ERICH1: variants seen among roughly 807,000 people sequenced by gnomAD.
ERICH1 encodes the protein glutamate rich 1.
ERICH1 carries 56 observed loss-of-function variants against 39.6 expected under a neutral mutation model. The ratio of observed to expected loss-of-function variants is 1.41; its 90% CI spans 1.14 to 1.77. The LOEUF (loss-of-function observed/expected upper bound fraction) is 1.77. ERICH1 is among the 40% of genes most tolerant of loss of function. The pLI, the probability that ERICH1 is intolerant of heterozygous loss-of-function variation, is 0.00. For synonymous variants in ERICH1, 313 were observed against 223.6 expected, an observed-to-expected ratio of 1.40 and a Z score of -3.57; for missense variants, 826 against 575.4, an observed-to-expected ratio of 1.44 and a Z score of -4.45.
chr8:641,625 G>A (rs186367397), intron 3 of ERICH1, among the ~76,000 whole-genome samples: 186 of 152,366 alleles, frequency 1.2e-3, no homozygotes, highest in Admixed American at 3.6e-3. Context: ...TGTACTGGGA[G>A]GAGGTAGTGT....
intron 1 of ERICH1, 26 bp from the exon 2 acceptor site, chr8:716,033 A>G (rs772660992): frequency 8.3e-6 from 13 of 1,570,754 alleles, no homozygotes; most frequent in South Asian, 1.2e-5. Flanking sequence ...ATTAAAAGAA[A>G]AGGAGGAAAA....
rs1246606069 is a variant in ERICH1 at position 664,374 on chromosome 8, T to C, written c.*229A>G. The C allele has an allele frequency of 1.5e-5, 17 of 1,172,310 alleles. No homozygotes were observed. Among genetic ancestry groups the C allele is most frequent in the Non-Finnish European group, 1.5e-5 (14 of 949,646 alleles). The allele number at this position is 1,172,310 out of a possible 1,614,324, so 72.6% of individuals were successfully genotyped here. On this transcript the variant is annotated 3_prime_UTR_variant, in exon 6 of 6. Coordinates refer to ENST00000262109, the MANE Select transcript of ERICH1 (RefSeq NM_207332.3). ...TAGAGAAACAGAATCAAGTTTTATG[T>C]AGTAATTCAAGATATATATAATTGC...
At chr8:719,128 C>T (rs1039690046) in intron 1 of ERICH1, among the ~76,000 whole-genome samples, 8 of 152,120 alleles carry the variant, frequency 5.3e-5, no homozygotes, top group African/African-American at 7.2e-5. Flanking sequence ...GCCCGACCCT[C>T]GGGGCTTTGC....
chr8:664,182 A>C, downstream of ERICH1: 1 of 947,866 alleles, frequency 1.1e-6, no homozygotes, highest in Non-Finnish European at 1.3e-6. Flanking sequence ...GAGAAAAAAA[A>C]CTCAACTATA....
chr8:696,297 C>T (rs1281851701), intron 2 of ERICH1, among the ~76,000 whole-genome samples: 3 of 74,432 alleles, frequency 4.0e-5, no homozygotes, highest in Admixed American at 1.1e-4. Context: ...CCCTTCACTC[C>T]TCTCCTTCCT....
At chr8:682,097 C>A (rs1475205610) in intron 3 of ERICH1, among the ~76,000 whole-genome samples, 1 of 149,490 alleles carries the variant, frequency 6.7e-6, no homozygotes, top group African/African-American at 2.5e-5. Flanking sequence ...TGAGCCCAGT[C>A]TCTCTGCCCC....
chr8:625,897 G>C (rs536969414), intron 3 of ERICH1: 29 of 152,356 alleles, frequency 1.9e-4, no homozygotes, highest in Non-Finnish European at 2.5e-4. Context: ...GTTTGTGGCA[G>C]AAATCCCATT....
intron 3 of ERICH1, chr8:640,487 C>T (rs771135811): frequency 2.0e-5 from 3 of 152,202 alleles, no homozygotes; most frequent in East Asian, 1.9e-4. Context: ...CAGCTAAGAC[C>T]GCTGCTTTCC....
At chr8:616,659 G>A (rs1389550279) in intron 3 of ERICH1, 14 of 453,036 alleles carry the variant, frequency 3.1e-5, no homozygotes, top group East Asian at 1.4e-4. Flanking sequence ...AGACGGGGGC[G>A]CGGGGGACAG....
At chr8:624,021 C>A (rs1401248929) in intron 3 of ERICH1, among the ~76,000 whole-genome samples, 1 of 151,850 alleles carries the variant, frequency 6.6e-6, no homozygotes, top group Non-Finnish European at 1.5e-5. Context: ...GGACTAATAT[C>A]CAAAATAAAT....
chr8:616,570 A>C (rs753893414), intron 3 of ERICH1: 8 of 455,922 alleles, frequency 1.8e-5, no homozygotes, highest in South Asian at 1.2e-4. Context: ...TGAAAAACAG[A>C]TCAAGTCAGG....
At chr8:616,331 G>C (rs1400469895) in intron 3 of ERICH1, 3 of 340,206 alleles carry the variant, frequency 8.8e-6, no homozygotes, top group Non-Finnish European at 1.8e-5. Context: ...CGCGTTAACT[G>C]AAAGTTGCTG....
At chr8:721,502 C>T (rs766490106) in intron 1 of ERICH1, among the ~76,000 whole-genome samples, 28 of 152,366 alleles carry the variant, frequency 1.8e-4, no homozygotes, top group Admixed American at 3.3e-4. Context: ...CCCCACACAC[C>T]TGGCCCAGGC....
rs750107900 is a variant in ERICH1, at chr8:668,694, T to C, written c.1162A>G (p.Ile388Val). ...SHSMLPSDVS[I>V]LYHMKTLLLL... Reference sequence around the variant, plus strand: ...AGCAGCGTTTTCATGTGGTACAGGATGGACACGTCTGAGGGCAGCATGCTG... The same window carrying C: ...AGCAGCGTTTTCATGTGGTACAGGACGGACACGTCTGAGGGCAGCATGCTG... The change falls in exon 5 of 6, where the codon ATC becomes GTC. Residue 388 changes from isoleucine to valine, a missense_variant. Coordinates refer to ENST00000262109, the MANE Select transcript of ERICH1 (RefSeq NM_207332.3). 1.2e-6 allele frequency: 2 copies of C among 1,614,124 alleles called. No homozygotes were observed. Among genetic ancestry groups the C allele is most frequent in the Non-Finnish European group, 8.5e-7 (1 of 1,180,038 alleles).
At chr8:675,375 C>CG (rs372207386) in intron 3 of ERICH1, among the ~76,000 whole-genome samples, 1 of 2,500 alleles carries the variant, frequency 4.0e-4, no homozygotes, top group Non-Finnish European at 8.7e-4. Context: ...GGCGGCCCCT[C>CG]GTGAGGACAG....
chr8:687,251 C>A (rs902461475), intron 3 of ERICH1, among the ~76,000 whole-genome samples: 1 of 152,190 alleles, frequency 6.6e-6, no homozygotes, highest in Non-Finnish European at 1.5e-5. Context: ...GAATCTGAGT[C>A]AATGCCTCAC....
At chr8:696,280 CCT>C (rs1343113643) in intron 2 of ERICH1, among the ~76,000 whole-genome samples, 16 of 81,778 alleles carry the variant, frequency 2.0e-4, no homozygotes, top group African/African-American at 6.6e-4. Context: ...TGCGCTCGCT[CCT>C]CTCACCCTTC....
intron 3 of ERICH1, among the ~76,000 whole-genome samples, chr8:619,657 T>G (rs547829626): frequency 2.0e-4 from 30 of 152,334 alleles, no homozygotes; most frequent in African/African-American, 6.7e-4. Flanking sequence ...CTTAAAAGAC[T>G]TAAGATTATA....
At chr8:616,142 A>T (rs1250849306) in intron 3 of ERICH1, 1 of 174,704 alleles carries the variant, frequency 5.7e-6, no homozygotes, top group Non-Finnish European at 1.2e-5. Flanking sequence ...CTCTGTAATG[A>T]TAAGTTATTA....
Sources: allele counts gnomAD v4.1 joint callset (sites outside exome capture counted in the v4.1 genomes callset), GRCh38; gene constraint gnomAD v4.1.1; transcripts MANE v1.5; gene names NCBI Gene and HGNC (gene_info 2026-07-23, HGNC 2026-07-21).